PPFIA2: variants seen among roughly 807,000 people sequenced by gnomAD.
PPFIA2 encodes the protein liprin-alpha-2.
In PPFIA2, 46 loss-of-function variants were observed where a neutral mutation model predicts 175.5. The observed-to-expected ratio is 0.26, with a 90% CI of 0.21 to 0.34. The LOEUF is 0.34. PPFIA2 is among the 10% of genes least tolerant of loss of function. The pLI is 1.00. For missense variants in PPFIA2, 1,179 were observed against 1,506.1 expected (o/e 0.78, Z 3.60); for synonymous variants, 568 against 511.4 (o/e 1.11, Z -1.49).
intron 22 of PPFIA2, among the ~76,000 whole-genome samples, chr12:81,321,568 C>G (rs575980009): frequency 4.5e-4 from 68 of 152,234 alleles, no homozygotes; most frequent in African/African-American, 1.6e-3. Context: ...CTGTGACTAA[C>G]CAAATCTTTC....
chr12:81,266,887 AC>A (rs1394046566), intron 30 of PPFIA2, 64 bp downstream of exon 30: 1 of 1,168,882 alleles, frequency 8.6e-7, no homozygotes, highest in Non-Finnish European at 1.3e-6. Context: ...TTCCTTAAAA[AC>A]AAAGATGTTC....
At chr12:81,317,447 G>A (rs1231611079) in intron 22 of PPFIA2, among the ~76,000 whole-genome samples, 2 of 151,584 alleles carry the variant, frequency 1.3e-5, no homozygotes, top group Non-Finnish European at 3.0e-5. Flanking sequence ...AAGACTAGAA[G>A]CAGAAAGACT....
chr12:81,362,700 T>C lies in PPFIA2; in HGVS notation c.1630A>G (p.Ile544Val). 1.3e-6 allele frequency: 2 copies of C among 1,541,946 alleles called. No individual in the cohort carries two copies. Among genetic ancestry groups the C allele is most frequent in the Non-Finnish European group, 8.8e-7 (1 of 1,139,018 alleles). Residue 544 changes from isoleucine to valine, a missense_variant, in exon 15 of 33, where the codon ATA (isoleucine) becomes GTA (valine). Physicochemically the swap from Ile to Val is conservative, Grantham distance 29. This residue lies in a region of PPFIA2 where 186 missense variants were observed against 163.6 expected (regional missense o/e 1.14). Transcript: ENST00000549396. ...MRTGSLIEPT[I>V]PRTHLDTSAE... ...CTTTTAGTTTAATGTTACCTTGGTA[T>C]TGTGGGTTCAATTAAAGAGCCAGTT...
At chr12:81,510,660 C>T (rs2061672554) in intron 4 of PPFIA2, among the ~76,000 whole-genome samples, 1 of 151,990 alleles carries the variant, frequency 6.6e-6, no homozygotes, top group South Asian at 2.1e-4. Flanking sequence ...GATGATAACC[C>T]TGAGTTAAGA....
At chr12:81,263,840 T>C (rs1003621080) in intron 30 of PPFIA2, among the ~76,000 whole-genome samples, 1 of 152,204 alleles carries the variant, frequency 6.6e-6, no homozygotes, top group East Asian at 1.9e-4. Flanking sequence ...GTATTTATTT[T>C]GGGGAAATCT....
At chr12:81,592,222 C>T (rs1318952152) in intron 4 of PPFIA2, among the ~76,000 whole-genome samples, 2 of 152,076 alleles carry the variant, frequency 1.3e-5, no homozygotes, top group Admixed American at 6.5e-5. Flanking sequence ...GCCTGTGCCC[C>T]CATGGTATTT....
At chr12:81,388,377 T>C (rs530201624) in intron 8 of PPFIA2, among the ~76,000 whole-genome samples, 60 of 152,160 alleles carry the variant, frequency 3.9e-4, no homozygotes, top group African/African-American at 1.4e-3. Context: ...AGCTGAGAAA[T>C]AGAAAGTAGA....
Position 81,358,094 on chromosome 12 carries a change from T to A in PPFIA2, c.1761A>T (p.Arg587Ser). 1 of 1,601,092 alleles carries A rather than the reference T, an allele frequency of 6.2e-7. No individual in the cohort carries two copies. The highest frequency in any genetic ancestry group is 8.5e-7 in the Non-Finnish European group (1 of 1,174,526). ...RPRRGRMGVR[R>S]DEPKVKSLGD... ...TTAAAAGATTAACCTTTGGCTCATC[T>A]CTTCGCACACCCATGCGGCCTCTCC... The change falls in exon 16 of 33, where the codon AGA becomes AGT. Residue 587 changes from arginine to serine, a missense_variant. Coordinates refer to ENST00000549396, the MANE Select transcript of PPFIA2 (RefSeq NM_003625.5).
intron 4 of PPFIA2, among the ~76,000 whole-genome samples, chr12:81,583,306 A>C (rs1231775623): frequency 6.6e-6 from 1 of 151,814 alleles, no homozygotes; most frequent in Non-Finnish European, 1.5e-5. Flanking sequence ...TTGTTTCAAA[A>C]TGCTTTCTAT....
chr12:81,566,515 A>C (rs1449422999), intron 4 of PPFIA2, among the ~76,000 whole-genome samples: 1 of 131,736 alleles, frequency 7.6e-6, no homozygotes, highest in Non-Finnish European at 1.6e-5. Flanking sequence ...CTGGTGACAC[A>C]GTGAGACTCC....
intron 22 of PPFIA2, among the ~76,000 whole-genome samples, chr12:81,311,488 C>T (rs2400932): frequency 0.35 from 53,673 of 151,818 alleles, 10,278 homozygotes; most frequent in East Asian, 0.51. Flanking sequence ...AGTCCCAGCA[C>T]TTTGGGAGGC....
chr12:81,352,381 GA>G (rs2060170275), intron 17 of PPFIA2, among the ~76,000 whole-genome samples: 3 of 148,898 alleles, frequency 2.0e-5, no homozygotes, highest in African/African-American at 7.3e-5. Context: ...GGCAGACAGA[GA>G]GAGAGAGAGA....
chr12:81,360,748 TAATA>T (rs1182478039), intron 15 of PPFIA2, among the ~76,000 whole-genome samples: 1 of 151,288 alleles, frequency 6.6e-6, no homozygotes, highest in Non-Finnish European at 1.5e-5. Context: ...AATTGTTGTT[TAATA>T]AATATTCAGT....
chr12:81,690,712 A>C (rs1242658679), intron 3 of PPFIA2, among the ~76,000 whole-genome samples: 1 of 152,152 alleles, frequency 6.6e-6, no homozygotes, highest in Admixed American at 6.6e-5. Flanking sequence ...GACTTAAAAT[A>C]ACACAAATTT....
At chr12:81,680,446 T>A (rs549974707) in intron 3 of PPFIA2, among the ~76,000 whole-genome samples, 1 of 151,912 alleles carries the variant, frequency 6.6e-6, no homozygotes. Flanking sequence ...CAAACCTGTA[T>A]TTTTTTAATT....
intron 24 of PPFIA2, among the ~76,000 whole-genome samples, chr12:81,288,202 A>G (rs2043972986): frequency 6.6e-6 from 1 of 151,890 alleles, no homozygotes; most frequent in Non-Finnish European, 1.5e-5. Context: ...ATGCTCCAGA[A>G]TAGAAAGAAA....
At position 81,510,175 on chromosome 12, in the gene PPFIA2, T is replaced by C. The variant is rs986571758; in HGVS notation, c.304-52309A>G. The stretch of plus-strand genomic sequence containing the variant: ...ATCAATATTTTCCAAGCAGCTATTA[T>C]ATATATTTCCTTAATAACATATATA... On this transcript the variant is annotated intron_variant, in intron 4 of 32. Coordinates refer to ENST00000549396, the MANE Select transcript of PPFIA2 (RefSeq NM_003625.5). 5.3e-5 allele frequency among the ~76,000 whole-genome samples: 8 copies of C among 152,102 alleles called. No individual in the cohort carries two copies. In the East Asian group the frequency reaches 1.3e-3, roughly 26 times the overall value.
chr12:81,502,094 T>C (rs543392000), intron 4 of PPFIA2, among the ~76,000 whole-genome samples: 1 of 152,102 alleles, frequency 6.6e-6, no homozygotes, highest in Non-Finnish European at 1.5e-5. Context: ...TTTGAGAAAA[T>C]AGTTCAAATG....
chr12:81,607,241 C>A (rs942313721), intron 4 of PPFIA2, among the ~76,000 whole-genome samples: 1 of 152,038 alleles, frequency 6.6e-6, no homozygotes, highest in Non-Finnish European at 1.5e-5. Flanking sequence ...CAGTGTGATG[C>A]CTCCAACTTT....
Sources: gnomAD v4.1 joint callset for allele counts (sites outside exome capture counted in the v4.1 genomes callset) on GRCh38, gnomAD v4.1.1 for gene constraint, gnomAD v4.1.1 regional missense constraint, MANE v1.5 for transcripts, NCBI Gene and HGNC (gene_info 2026-07-23, HGNC 2026-07-21) for gene names.